The following LRRC7 variants were observed in gnomAD, a reference collection of about 807,000 sequenced individuals.
LRRC7 encodes leucine rich repeat containing 7.
Under a neutral mutation model 175.7 loss-of-function variants are expected in LRRC7, and 23 were observed. The observed-to-expected ratio is 0.13, with a 90% CI of 0.09 to 0.19. LRRC7 has a LOEUF of 0.19. LRRC7 is among the 10% of genes least tolerant of loss of function. The pLI is 1.00. For synonymous variants in LRRC7, 685 were observed against 680.9 expected, an observed-to-expected ratio of 1.01 and a Z score of -0.09; for missense variants, 1,354 against 1,904.7, an observed-to-expected ratio of 0.71 and a Z score of 5.38.
chr1:69,675,229 C>T lies in LRRC7; in HGVS notation c.3-3152C>T, dbSNP rs546154544. On this transcript the variant is annotated intron_variant, in intron 1 of 26. Coordinates refer to ENST00000651989, the MANE Select transcript of LRRC7 (RefSeq NM_001370785.2). ...AATACAACCTCTGAACACCATGATT[C>T]CTGGGAGGCTAACCTGAGGGTCTTG... 2.6e-5 allele frequency among the ~76,000 whole-genome samples: 4 copies of T among 152,264 alleles called. No individual in the cohort carries two copies. The East Asian group carries it at 7.7e-4, about 29-fold the overall frequency.
chr1:69,821,657 GT>G (rs1679307133), intron 4 of LRRC7, among the ~76,000 whole-genome samples: 1 of 152,114 alleles, frequency 6.6e-6, no homozygotes, highest in Non-Finnish European at 1.5e-5. Flanking sequence ...ACTTTCGGAG[GT>G]TGAGGCGGGT....
chr1:69,928,203 A>T (rs562612152), intron 7 of LRRC7, among the ~76,000 whole-genome samples: 9 of 152,216 alleles, frequency 5.9e-5, no homozygotes, highest in African/African-American at 1.9e-4. Context: ...GTGAGGTGTC[A>T]GTCTGCCCCT....
chr1:69,922,710 A>G (rs989267065), intron 7 of LRRC7, among the ~76,000 whole-genome samples: 10 of 152,154 alleles, frequency 6.6e-5, no homozygotes, highest in African/African-American at 2.4e-4. Context: ...CATGTTGTCA[A>G]ATTAAGTGGT....
At chr1:69,756,414 G>T (rs1463941948) in intron 2 of LRRC7, among the ~76,000 whole-genome samples, 1 of 151,750 alleles carries the variant, frequency 6.6e-6, no homozygotes. Context: ...CTTCCAGAGT[G>T]AAAGGGCTCA....
chr1:69,746,034 T>C (rs1255119127), intron 2 of LRRC7, among the ~76,000 whole-genome samples: 1 of 151,918 alleles, frequency 6.6e-6, no homozygotes. Context: ...AAATACTCAT[T>C]AGTAAAGTAT....
chr1:69,910,389 T>C (rs962004682), intron 7 of LRRC7, among the ~76,000 whole-genome samples: 11 of 152,148 alleles, frequency 7.2e-5, no homozygotes, highest in African/African-American at 2.7e-4. Flanking sequence ...TGTTTGTTAG[T>C]TTTCCTTCTA....
In LRRC7 at chr1:69,728,068, G is replaced by A. The variant is rs149174377; in HGVS notation, c.101-32123G>A. 1.3e-3 allele frequency among the ~76,000 whole-genome samples: 203 copies of A among 152,070 alleles called. No individual in the cohort carries two copies. In the East Asian group the frequency reaches 0.035, roughly 26 times the overall value. ...AGTCACCTGAGATGTGTATTTACTG[G>A]CAGTTTTATTACTTTTTTCAGAATA... On this transcript the variant is annotated intron_variant, in intron 2 of 26. Transcript: ENST00000651989.
At chr1:69,591,149 C>T (rs916204249) in intron 1 of LRRC7, among the ~76,000 whole-genome samples, 3 of 151,954 alleles carry the variant, frequency 2.0e-5, no homozygotes, top group African/African-American at 7.2e-5. Context: ...CAGAGGAATA[C>T]CCTGTGCCAA....
intron 7 of LRRC7, among the ~76,000 whole-genome samples, chr1:69,857,087 T>C (rs1683742508): frequency 6.6e-6 from 1 of 152,126 alleles, no homozygotes. Context: ...AAACTCTCAA[T>C]AAATTCGGTA....
intron 4 of LRRC7, among the ~76,000 whole-genome samples, chr1:69,798,246 T>A (rs976777337): frequency 5.3e-5 from 8 of 152,202 alleles, no homozygotes; most frequent in African/African-American, 1.4e-4. Flanking sequence ...CTTTATGGCC[T>A]AGATACTGAA....
intron 8 of LRRC7, among the ~76,000 whole-genome samples, chr1:69,966,761 A>T (rs571742928): frequency 5.5e-4 from 84 of 152,338 alleles, no homozygotes; most frequent in Non-Finnish European, 9.4e-4. Context: ...CCTTACCTGG[A>T]GCTGAGTCAA....
intron 2 of LRRC7, among the ~76,000 whole-genome samples, chr1:69,680,997 T>A (rs1660418965): frequency 6.6e-6 from 1 of 152,146 alleles, no homozygotes; most frequent in Non-Finnish European, 1.5e-5. Context: ...TATTTCAAAC[T>A]AAACATTTGT....
intron 7 of LRRC7, among the ~76,000 whole-genome samples, chr1:69,838,869 T>C (rs1681413200): frequency 6.6e-6 from 1 of 151,988 alleles, no homozygotes; most frequent in Non-Finnish European, 1.5e-5. Context: ...ATGTTTACCA[T>C]AATAAAATGC....
chr1:69,924,734 G>A (rs1023013356), intron 7 of LRRC7, among the ~76,000 whole-genome samples: 23 of 152,294 alleles, frequency 1.5e-4, no homozygotes, highest in African/African-American at 5.3e-4. Flanking sequence ...ATACAATCAT[G>A]TCATCTGCAA....
chr1:69,997,802 C>A (rs1655139999), intron 11 of LRRC7, among the ~76,000 whole-genome samples: 1 of 151,882 alleles, frequency 6.6e-6, no homozygotes, highest in African/African-American at 2.4e-5. Context: ...ATTCGTTTTG[C>A]CAGTATTTTA....
rs537209699 is a variant in LRRC7 at position 70,089,964 on chromosome 1, C to T, written c.4545+145C>T. 1.3e-4 allele frequency: 71 copies of T among 558,226 alleles called. No homozygotes were observed. The South Asian group carries it at 1.4e-3, about 11-fold the overall frequency. The allele number at this position is 558,226 out of a possible 1,614,324, so 34.6% of individuals were successfully genotyped here. ...TGAAGCCAATTAGAAACTTTTTCAG[C>T]ACAGGGATAAAAGAATTTACTGCAG... On this transcript the variant is annotated intron_variant, in intron 25 of 26. Transcript: ENST00000651989.
chr1:69,607,281 C>T (rs1238164866), intron 1 of LRRC7: 1 of 152,034 alleles, frequency 6.6e-6, no homozygotes, highest in African/African-American at 2.4e-5. Context: ...TTAATAATCT[C>T]CTGGACTTGG....
chr1:69,976,673 C>T (rs1429949168), intron 8 of LRRC7, among the ~76,000 whole-genome samples: 1 of 152,098 alleles, frequency 6.6e-6, no homozygotes, highest in African/African-American at 2.4e-5. Context: ...TGTTCACTTC[C>T]TTTTTCCTAA....
chr1:69,727,813 C>T (rs879800016), intron 2 of LRRC7, among the ~76,000 whole-genome samples: 32 of 152,210 alleles, frequency 2.1e-4, no homozygotes, highest in East Asian at 5.8e-4. Flanking sequence ...ATTATAACTA[C>T]GAAATCTTAC....
Sources: gnomAD v4.1 joint callset for allele counts (sites outside exome capture counted in the v4.1 genomes callset) on GRCh38, gnomAD v4.1.1 for gene constraint, MANE v1.5 for transcripts, NCBI Gene and HGNC (gene_info 2026-07-23, HGNC 2026-07-21) for gene names.